FTCDNL1: variants seen among roughly 807,000 people sequenced by gnomAD.
FTCDNL1 encodes formiminotransferase N-terminal subdomain-containing protein.
FTCDNL1 carries 11 observed loss-of-function variants against 5.9 expected under a neutral mutation model. The observed-to-expected ratio is 1.87, with a 90% CI of 1.18 to 3.10. FTCDNL1 has a LOEUF of 3.10. Ranked by LOEUF, FTCDNL1 falls within the 30% of genes most tolerant of loss-of-function variation. The pLI, the probability that FTCDNL1 is intolerant of heterozygous loss-of-function variation, is 0.00. For missense variants in FTCDNL1, 115 were observed against 65.5 expected (o/e 1.76, Z -2.61); for synonymous variants, 58 against 24.8 (o/e 2.34, Z -3.99).
chr2:199,820,856 A>C (rs1239387482), intron 3 of FTCDNL1, among the ~76,000 whole-genome samples: 1 of 152,166 alleles, frequency 6.6e-6, no homozygotes, highest in East Asian at 1.9e-4. Context: ...TTTTTGTCTG[A>C]TATACGAAAT....
chr2:199,846,358 T>TA (rs1184531509), intron 2 of FTCDNL1, among the ~76,000 whole-genome samples, 188 bp from the exon 3 acceptor site: 1 of 152,230 alleles, frequency 6.6e-6, no homozygotes, highest in East Asian at 1.9e-4. Context: ...CATCTTATTG[T>TA]ATAACCAGAT....
At chr2:199,703,268 T>C in the FTCDNL1 span, among the ~76,000 whole-genome samples, 1 of 149,094 alleles carries the variant, frequency 6.7e-6, no homozygotes, top group Non-Finnish European at 1.5e-5. Context: ...ATTCTAAGAG[T>C]AATAGGAAGG....
At chr2:199,804,676 G>A (rs903722239), downstream of FTCDNL1, among the ~76,000 whole-genome samples, 1 of 152,146 alleles carries the variant, frequency 6.6e-6, no homozygotes, top group Non-Finnish European at 1.5e-5. Flanking sequence ...GAGTAACCAT[G>A]CGTGGGCTGT....
intron 3 of FTCDNL1, among the ~76,000 whole-genome samples, chr2:199,780,998 A>G (rs1282108917): frequency 2.0e-5 from 3 of 152,124 alleles, no homozygotes; most frequent in Non-Finnish European, 4.4e-5. Flanking sequence ...CTCTGCCACA[A>G]TGTACTCTAT....
chr2:199,760,070 A>G (rs1159811488), downstream of FTCDNL1, among the ~76,000 whole-genome samples: 1 of 152,236 alleles, frequency 6.6e-6, no homozygotes, highest in Non-Finnish European at 1.5e-5. Flanking sequence ...ACCTTTGAAC[A>G]TTAAAAAAGA....
At chr2:199,736,725 C>T in the FTCDNL1 span, among the ~76,000 whole-genome samples, 23 of 152,340 alleles carry the variant, frequency 1.5e-4, no homozygotes, top group South Asian at 4.3e-3. Context: ...CATTCGGCAT[C>T]ACAGTAGTGA....
intron 3 of FTCDNL1, among the ~76,000 whole-genome samples, chr2:199,773,122 A>G (rs779012049): frequency 5.9e-5 from 9 of 152,140 alleles, no homozygotes; most frequent in Non-Finnish European, 8.8e-5. Flanking sequence ...TAAACAAAAC[A>G]TTGCCTTTTA....
At chr2:199,727,541 C>A in the FTCDNL1 span, among the ~76,000 whole-genome samples, 2 of 152,176 alleles carry the variant, frequency 1.3e-5, no homozygotes, top group Non-Finnish European at 2.9e-5. Context: ...TGTGAGGCTC[C>A]CAGCTGGGTA....
At chr2:199,697,229 G>A in the FTCDNL1 span, among the ~76,000 whole-genome samples, 3 of 152,212 alleles carry the variant, frequency 2.0e-5, no homozygotes, top group South Asian at 4.2e-4. Flanking sequence ...CAGAGATCAC[G>A]CCGCTGTGCT....
At chr2:199,705,367 A>G in the FTCDNL1 span, among the ~76,000 whole-genome samples, 6 of 152,072 alleles carry the variant, frequency 3.9e-5, no homozygotes, top group Non-Finnish European at 8.8e-5. Flanking sequence ...AAATTTCATC[A>G]TTTTTATCCT....
intron 3 of FTCDNL1, among the ~76,000 whole-genome samples, chr2:199,840,601 G>A (rs910408349): frequency 6.6e-6 from 1 of 152,128 alleles, no homozygotes; most frequent in Non-Finnish European, 1.5e-5. Context: ...GTGTTTAAGT[G>A]TGATATTTCG....
the FTCDNL1 span, among the ~76,000 whole-genome samples, chr2:199,705,890 T>C: frequency 2.6e-5 from 4 of 152,210 alleles, no homozygotes; most frequent in African/African-American, 9.6e-5. Context: ...GTTGGACAGC[T>C]ATGAAAGGAG....
downstream of FTCDNL1, among the ~76,000 whole-genome samples, chr2:199,809,140 C>T (rs971103429): frequency 1.3e-5 from 2 of 152,090 alleles, no homozygotes; most frequent in African/African-American, 4.8e-5. Context: ...AGAAAACACA[C>T]ACAGAATTGG....
At chr2:199,817,528 T>G (rs1246763299) in intron 4 of FTCDNL1, among the ~76,000 whole-genome samples, 1 of 152,094 alleles carries the variant, frequency 6.6e-6, no homozygotes, top group Non-Finnish European at 1.5e-5. Context: ...GGGTCACGCC[T>G]ATAATCCCAG....
At chr2:199,747,495 G>A in the FTCDNL1 span, among the ~76,000 whole-genome samples, 10 of 152,092 alleles carry the variant, frequency 6.6e-5, no homozygotes, top group African/African-American at 1.9e-4. Context: ...AGAGAAGAAC[G>A]TTGTAATGAT....
chr2:199,785,511 C>T (rs1403100717), intron 3 of FTCDNL1: 2 of 152,122 alleles, frequency 1.3e-5, no homozygotes, highest in African/African-American at 4.8e-5. Context: ...TCTGGGATTA[C>T]AAGCGTGAGC....
chr2:199,791,304 A>G (rs1699913936), intron 3 of FTCDNL1, among the ~76,000 whole-genome samples: 1 of 152,188 alleles, frequency 6.6e-6, no homozygotes, highest in African/African-American at 2.4e-5. Context: ...AGTTCTGGGA[A>G]CCCAGCAAAA....
At chr2:199,806,083 A>G (rs1235931641), downstream of FTCDNL1, among the ~76,000 whole-genome samples, 1 of 152,202 alleles carries the variant, frequency 6.6e-6, no homozygotes. Flanking sequence ...AATAGGAACA[A>G]AAGAAGTGGC....
intron 4 of FTCDNL1, among the ~76,000 whole-genome samples, chr2:199,813,127 T>C (rs1459588897): frequency 1.3e-5 from 2 of 152,216 alleles, no homozygotes; most frequent in Admixed American, 1.3e-4. Flanking sequence ...CTGGCAGTAA[T>C]GACTGTGAAC....
Sources: gnomAD v4.1 joint callset for allele counts (sites outside exome capture counted in the v4.1 genomes callset) on GRCh38, gnomAD v4.1.1 for gene constraint, MANE v1.5 for transcripts, NCBI Gene and HGNC (gene_info 2026-07-23, HGNC 2026-07-21) for gene names.